Variants in WWC2 observed in about 807,000 individuals in gnomAD.
The protein encoded by WWC2 is WW and C2 domain containing 2.
In WWC2, 101 loss-of-function variants were observed where a neutral mutation model predicts 138.5. The ratio of observed to expected loss-of-function variants is 0.73; its 90% CI spans 0.62 to 0.86. The LOEUF (loss-of-function observed/expected upper bound fraction) is 0.86, where lower values mean the gene tolerates loss of function less well. WWC2 is among the 40% of genes least tolerant of loss of function. The pLI is 0.00. For synonymous variants in WWC2, 558 were observed against 538.4 expected (o/e 1.04, Z -0.50); for missense variants, 1,420 against 1,419.4 (o/e 1.00, Z -0.01).
Position 183,285,996 on chromosome 4 carries a change from C to A in WWC2, c.3078C>A (p.Thr1026=), listed in dbSNP as rs149012864. The A allele has an allele frequency of 6.3e-7, 1 of 1,595,108 alleles. No homozygotes were observed. The highest frequency in any genetic ancestry group is 1.7e-5 in the Admixed American group (1 of 57,308). ...ATCGGAGTGACAGTGACAGTTCAAC[C>A]CTGGCTAAAAAATCACTGTTTGTGA... ...RLNRSDSDSS[T]LAKKSLFVRN... is the part of the protein sequence containing the mutation. The change falls in exon 20 of 23, where the codon ACC becomes ACA. Residue 1026 remains threonine, a synonymous_variant. Coordinates refer to ENST00000403733, the MANE Select transcript of WWC2 (RefSeq NM_024949.6).
chr4:183,145,065 A>G (rs1471044226), intron 1 of WWC2, among the ~76,000 whole-genome samples: 2 of 152,182 alleles, frequency 1.3e-5, no homozygotes, highest in African/African-American at 4.8e-5. Context: ...AGTTAGAGAG[A>G]AGGCGTTATC....
At position 183,103,331 on chromosome 4, in the gene WWC2, CT is replaced by C. The variant is rs772364256; in HGVS notation, c.131+3728del. Among the ~76,000 whole-genome samples, 388 of 123,792 alleles carry C rather than the reference CT, an allele frequency of 3.1e-3. 1 individual carries two copies. The highest frequency in any genetic ancestry group is 5.4e-3 in the African/African-American group (174 of 32,124). 81.2% of individuals were successfully genotyped at this position (123,792 alleles called of 152,430 possible). On this transcript the variant is annotated intron_variant, in intron 1 of 22. Coordinates refer to ENST00000403733, the MANE Select transcript of WWC2 (RefSeq NM_024949.6). ...TAGGATCAGAGGAACTCTGTATTGT[CT>C]TTTTTTTTTTTTTTTTTTGAGACGG...
rs764939220 is a variant in WWC2 at position 183,168,472 on chromosome 4, T to A, written c.132-25127T>A. Among the ~76,000 whole-genome samples the A allele has an allele frequency of 4.1e-4, 62 of 152,280 alleles. 1 individual carries two copies. The highest frequency in any genetic ancestry group is 3.4e-3 in the Middle Eastern group (1 of 294). On this transcript the variant is annotated intron_variant, in intron 1 of 22. Coordinates refer to ENST00000403733, the MANE Select transcript of WWC2 (RefSeq NM_024949.6). ...AGAAGAAAATTGGCAATCAGACAGA[T>A]TGTTAAATGTCAAAACTCTCCCAGC...
At chr4:183,289,731 A>G (rs998249938) in intron 21 of WWC2, 96 bp downstream of exon 21, 2 of 1,514,036 alleles carry the variant, frequency 1.3e-6, no homozygotes, top group South Asian at 1.3e-5. Context: ...TGTTTTGCGC[A>G]TAAGTCTTTA....
intron 22 of WWC2, among the ~76,000 whole-genome samples, chr4:183,315,352 G>A (rs1246517043): frequency 2.0e-5 from 3 of 152,000 alleles, no homozygotes; most frequent in Non-Finnish European, 2.9e-5. Context: ...TACCTAGTTC[G>A]GAAACACCCA....
chr4:183,115,709 G>A (rs1732388195), intron 1 of WWC2, among the ~76,000 whole-genome samples: 1 of 152,104 alleles, frequency 6.6e-6, no homozygotes, highest in South Asian at 2.1e-4. Flanking sequence ...TTTTTTGCTT[G>A]TTGGTTTGTT....
chr4:183,290,387 G>A (rs1738409646), intron 21 of WWC2, among the ~76,000 whole-genome samples: 2 of 152,164 alleles, frequency 1.3e-5, no homozygotes, highest in East Asian at 3.9e-4. Flanking sequence ...ACGTGGTGGT[G>A]TGCCCCTGTA....
chr4:183,143,083 GA>G (rs769671503), intron 1 of WWC2, among the ~76,000 whole-genome samples: 1 of 152,018 alleles, frequency 6.6e-6, no homozygotes, highest in Non-Finnish European at 1.5e-5. Flanking sequence ...TTTGGCTTTG[GA>G]ATTCATAATG....
At chr4:183,170,473 A>G (rs1417777685) in intron 1 of WWC2, among the ~76,000 whole-genome samples, 1 of 152,136 alleles carries the variant, frequency 6.6e-6, no homozygotes, top group Non-Finnish European at 1.5e-5. Context: ...TGGGTGGGGT[A>G]AAGAGGAAAG....
intron 4 of WWC2, among the ~76,000 whole-genome samples, chr4:183,209,985 A>G (rs558899593): frequency 1.8e-4 from 27 of 152,148 alleles, no homozygotes; most frequent in African/African-American, 6.3e-4. Flanking sequence ...ACTTCCTAAG[A>G]CTGGATACCG....
chr4:183,303,244 A>G (rs1029782593), intron 21 of WWC2, among the ~76,000 whole-genome samples: 5 of 152,184 alleles, frequency 3.3e-5, no homozygotes, highest in Non-Finnish European at 7.3e-5. Context: ...CAGCGTTGCA[A>G]GTAACTTCTG....
intron 1 of WWC2, among the ~76,000 whole-genome samples, chr4:183,131,581 T>C (rs944485130): frequency 6.6e-6 from 1 of 152,240 alleles, no homozygotes; most frequent in Admixed American, 6.5e-5. Context: ...TTAAGTATTT[T>C]AGAAGCAAAT....
At chr4:183,157,486 G>C (rs1285335976) in intron 1 of WWC2, among the ~76,000 whole-genome samples, 1 of 152,056 alleles carries the variant, frequency 6.6e-6, no homozygotes, top group African/African-American at 2.4e-5. Context: ...AAGGACTTGT[G>C]TGTCACTCAA....
chr4:183,280,203 C>G (rs1738017015), intron 16 of WWC2, among the ~76,000 whole-genome samples: 1 of 116,080 alleles, frequency 8.6e-6, no homozygotes, highest in African/African-American at 3.2e-5. Flanking sequence ...GAAATATCTG[C>G]TTACTATTTT....
chr4:183,175,552 C>A lies in WWC2; in HGVS notation c.132-18047C>A, dbSNP rs4361432. ...TGCTTGGATTACAGGCGTGAGCCACCGTGCCTGGCCTCAAAAATTCTTTTA... is the reference window on the plus strand; with the variant it reads ...TGCTTGGATTACAGGCGTGAGCCACAGTGCCTGGCCTCAAAAATTCTTTTA... On this transcript the variant is annotated intron_variant, in intron 1 of 22. Coordinates refer to ENST00000403733, the MANE Select transcript of WWC2 (RefSeq NM_024949.6). 9.2e-5 allele frequency among the ~76,000 whole-genome samples: 14 copies of A among 152,202 alleles called. No individual in the cohort carries two copies. In the East Asian group the frequency reaches 2.1e-3, roughly 23 times the overall value.
At chr4:183,186,958 GT>G (rs1367268585) in intron 1 of WWC2, among the ~76,000 whole-genome samples, 1 of 152,136 alleles carries the variant, frequency 6.6e-6, no homozygotes, top group Non-Finnish European at 1.5e-5. Flanking sequence ...AGGCTACCTC[GT>G]TATGTTTCCT....
intron 8 of WWC2, among the ~76,000 whole-genome samples, chr4:183,252,819 G>A (rs190996089): frequency 5.3e-5 from 8 of 152,248 alleles, no homozygotes; most frequent in Admixed American, 2.6e-4. Flanking sequence ...GAATGTGAAC[G>A]GGAGAAGGCC....
chr4:183,310,851 A>AAG (rs397934054), intron 21 of WWC2, among the ~76,000 whole-genome samples: 15 of 150,880 alleles, frequency 9.9e-5, no homozygotes, highest in African/African-American at 3.6e-4. Context: ...AAAAAAAAAA[A>AAG]GCAACAGTAA....
chr4:183,317,850 G>T lies in WWC2; in HGVS notation c.*2121G>T, dbSNP rs1000040175. ...ATCTGTCTCAGGCTGGTAGTTAGCA[G>T]TTGTGACCAAGATGCTTTTGGTTGT... On this transcript the variant is annotated 3_prime_UTR_variant, in exon 23 of 23. Transcript: ENST00000403733. 2 of 152,168 alleles carry T rather than the reference G, an allele frequency of 1.3e-5. No individual in the cohort carries two copies. Among genetic ancestry groups the T allele is most frequent in the South Asian group, 4.1e-4 (2 of 4,824 alleles). 9.4% of individuals were successfully genotyped at this position (152,168 alleles called of 1,614,324 possible). A position where few individuals can be genotyped will look rare whatever the true frequency, so the allele number is the denominator to read the frequency against.
Sources: allele counts gnomAD v4.1 joint callset (sites outside exome capture counted in the v4.1 genomes callset), GRCh38; gene constraint gnomAD v4.1.1; transcripts MANE v1.5; gene names NCBI Gene and HGNC (gene_info 2026-07-23, HGNC 2026-07-21).